The following AXIN2 variants were observed in gnomAD, a reference collection of about 807,000 sequenced individuals.
AXIN2 encodes axin-2.
Under a neutral mutation model 74.7 loss-of-function variants are expected in AXIN2, and 21 were observed. That is an observed-to-expected ratio of 0.28 (90% confidence interval 0.20 to 0.40). AXIN2 has a LOEUF of 0.40. Ranked by LOEUF, AXIN2 falls within the 10% of genes least tolerant of loss-of-function variation. The probability of loss-of-function intolerance (pLI) is 1.00; values close to 1 mark genes in which losing one functional copy is unlikely to be tolerated. For synonymous variants in AXIN2, 532 were observed against 454.9 expected, an observed-to-expected ratio of 1.17 and a Z score of -2.16; for missense variants, 1,144 against 1,111.1, an observed-to-expected ratio of 1.03 and a Z score of -0.42.
At chr17:65,535,045 C>T (rs946662680) in intron 9 of AXIN2, among the ~76,000 whole-genome samples, 2 of 152,194 alleles carry the variant, frequency 1.3e-5, no homozygotes, top group African/African-American at 4.8e-5. Context: ...TCAAACATTG[C>T]TCATTGCTCA....
intron 10 of AXIN2, among the ~76,000 whole-genome samples, chr17:65,533,254 G>A (rs560918432): frequency 2.0e-5 from 3 of 152,332 alleles, no homozygotes; most frequent in Admixed American, 6.5e-5. Flanking sequence ...GCGGGGCCCA[G>A]GCCTGGACAG....
chr17:65,556,631 C>T (rs948589203), intron 2 of AXIN2, among the ~76,000 whole-genome samples: 44 of 152,128 alleles, frequency 2.9e-4, no homozygotes, highest in Admixed American at 1.1e-3. Context: ...ACTCTCTCTG[C>T]CGCCCCTAAA....
intron 6 of AXIN2, 113 bp from the exon 7 acceptor site, chr17:65,537,176 C>T: frequency 2.0e-6 from 3 of 1,537,106 alleles, no homozygotes; most frequent in Non-Finnish European, 2.7e-6. Flanking sequence ...GACCCATGCA[C>T]CTGCTCCCCG....
chr17:65,561,265 C>A, intron 1 of AXIN2, 185 bp downstream of exon 1: 1 of 147,644 alleles, frequency 6.8e-6, no homozygotes, highest in South Asian at 1.9e-4. Context: ...CCCGGGCCGC[C>A]CCCCGCAGCC....
At position 65,541,514 on chromosome 17, in the gene AXIN2, G is replaced by C. The variant is rs770254456; in HGVS notation, c.1000C>G (p.Gln334Glu). 3.7e-6 allele frequency: 6 copies of C among 1,614,018 alleles called. No individual in the cohort carries two copies. In the East Asian group the frequency reaches 6.7e-5, roughly 18 times the overall value. ...TTCACACTGCGATGCATTTCTCTCTGGAGCTGTTTCTTACTGCCCACACGA... is the reference window on the plus strand; with the variant it reads ...TTCACACTGCGATGCATTTCTCTCTCGAGCTGTTTCTTACTGCCCACACGA... ...PYRVGSKKQL[Q>E]REMHRSVKAN... Residue 334 changes from glutamine to glutamate, a missense_variant, in exon 4 of 11, where the codon CAG becomes GAG. Gln to Glu is a conservative substitution (Grantham distance 29). Around this residue, in one of 4 missense-constraint regions of AXIN2, gnomAD observed 1,053 missense variants for 973.5 expected, o/e 1.08. Coordinates refer to ENST00000307078, the MANE Select transcript of AXIN2 (RefSeq NM_004655.4).
intron 3 of AXIN2, among the ~76,000 whole-genome samples, chr17:65,548,739 C>T (rs772836689): frequency 1.3e-5 from 2 of 152,190 alleles, no homozygotes; most frequent in African/African-American, 2.4e-5. Context: ...CACTGCTGTC[C>T]ATCCACAGAG....
chr17:65,532,621 A>T (rs2043841598), intron 10 of AXIN2, among the ~76,000 whole-genome samples: 1 of 152,190 alleles, frequency 6.6e-6, no homozygotes, highest in Admixed American at 6.5e-5. Context: ...ACTAACTCCC[A>T]GATGAAGGTG....
At chr17:65,553,019 ACTCCAT>A (rs1225757226) in intron 2 of AXIN2, among the ~76,000 whole-genome samples, 1 of 150,878 alleles carries the variant, frequency 6.6e-6, no homozygotes, top group African/African-American at 2.4e-5. Context: ...CAAGAATGAA[ACTCCAT>A]CTCAAAAAAA....
chr17:65,539,003 C>T (rs563017379), intron 4 of AXIN2, among the ~76,000 whole-genome samples: 22 of 152,234 alleles, frequency 1.4e-4, no homozygotes, highest in African/African-American at 5.1e-4. Flanking sequence ...CTGCTGCAGG[C>T]TAGTAGCAGA....
chr17:65,543,176 C>G (rs2044067797), intron 3 of AXIN2, among the ~76,000 whole-genome samples: 1 of 151,600 alleles, frequency 6.6e-6, no homozygotes, highest in African/African-American at 2.4e-5. Flanking sequence ...AACAACTTAC[C>G]CCCAAGTGTG....
chr17:65,551,325 G>A (rs1452340123), intron 2 of AXIN2, among the ~76,000 whole-genome samples: 4 of 151,352 alleles, frequency 2.6e-5, no homozygotes, highest in Admixed American at 6.6e-5. Flanking sequence ...GAAAGGTAGC[G>A]AAAAGCTCTC....
At position 65,537,747 on chromosome 17, in the gene AXIN2, C is replaced by G. The variant is rs202215840; in HGVS notation, c.1289G>C (p.Ser430Thr). 3 of 1,573,388 alleles carry G rather than the reference C, an allele frequency of 1.9e-6. No individual in the cohort carries two copies. The highest frequency in any genetic ancestry group is 2.3e-5 in the South Asian group (2 of 86,280). ...TATCGTCTGCGGGTCTTCCTCGTAG[C>G]TGCCGGAGGGCAGTAGGGAGAGGGG... is the stretch of plus-strand genomic sequence containing the variant. ...QHPLSLLPSG[S>T]YEEDPQTILD... Residue 430 changes from serine (S) to threonine (T), a missense_variant, in exon 6 of 11, where the codon AGC becomes ACC. Physicochemically the swap from Ser to Thr is moderately conservative, Grantham distance 58. Coordinates refer to ENST00000307078, the MANE Select transcript of AXIN2 (RefSeq NM_004655.4).
intron 1 of AXIN2, chr17:65,561,071 T>C (rs1245399352): frequency 6.8e-6 from 1 of 147,976 alleles, no homozygotes; most frequent in East Asian, 2.0e-4. Flanking sequence ...ATGCAAAAGA[T>C]CCGAGCGGGC....
At chr17:65,543,156 T>C (rs1198368360) in intron 3 of AXIN2, among the ~76,000 whole-genome samples, 5 of 152,134 alleles carry the variant, frequency 3.3e-5, no homozygotes, top group Non-Finnish European at 7.3e-5. Context: ...GAGAGATCAG[T>C]ATCCAGAGCA....
intron 1 of AXIN2, chr17:65,561,198 C>T (rs2044367774): frequency 6.7e-6 from 1 of 149,566 alleles, no homozygotes; most frequent in South Asian, 2.1e-4. Flanking sequence ...TAACTGTGCA[C>T]TTCAAAGGCG....
At chr17:65,551,028 G>C (rs2144546690) in intron 2 of AXIN2, among the ~76,000 whole-genome samples, 1 of 152,340 alleles carries the variant, frequency 6.6e-6, no homozygotes, top group Middle Eastern at 3.4e-3. Context: ...CATGGATTGA[G>C]TCACGTGGCT....
chr17:65,557,983 C>G lies in AXIN2; in HGVS notation c.638G>C (p.Gly213Ala). Reference sequence around the variant, plus strand: ...CACGACCTTTAGGCTCCCGAGTCCCCCATTACTCATGTAAGCTGTGTTTTC... The same window carrying G: ...CACGACCTTTAGGCTCCCGAGTCCCGCATTACTCATGTAAGCTGTGTTTTC... The part of the protein sequence containing the change: ...GGENTAYMSN[G>A]GLGSLKVVCG... The change falls in exon 2 of 11, where the codon GGG (glycine) becomes GCG (alanine). Residue 213 changes from glycine (G) to alanine (A), a missense_variant. Around this residue, in one of 4 missense-constraint regions of AXIN2, gnomAD observed 1,053 missense variants for 973.5 expected, o/e 1.08. Transcript: ENST00000307078. The G allele has an allele frequency of 6.2e-7, 1 of 1,614,160 alleles. No homozygotes were observed. Among genetic ancestry groups the G allele is most frequent in the African/African-American group, 1.3e-5 (1 of 75,036 alleles).
At position 65,558,195 on chromosome 17, in the gene AXIN2, G is replaced by C. The variant is rs1322519354; in HGVS notation, c.426C>G (p.Asn142Lys). The C allele has an allele frequency of 6.2e-7, 1 of 1,613,980 alleles. No homozygotes were observed. Reference sequence around the variant, plus strand: ...GCTTCAGCTGCTTGGAGACAATGCTGTTGTTCTCAATGTACCTTTTGTAGA... The same window carrying C: ...GCTTCAGCTGCTTGGAGACAATGCTCTTGTTCTCAATGTACCTTTTGTAGA... ...KAIYKRYIEN[N>K]SIVSKQLKPA... The change falls in exon 2 of 11, where the codon AAC becomes AAG. Residue 142 changes from asparagine to lysine, a missense_variant. Coordinates refer to ENST00000307078, the MANE Select transcript of AXIN2 (RefSeq NM_004655.4).
In AXIN2 at chr17:65,529,743, T is replaced by C; in HGVS notation, c.*233A>G. 3.4e-6 allele frequency: 2 copies of C among 592,026 alleles called. No homozygotes were observed. The highest frequency in any genetic ancestry group is 3.9e-5 in the South Asian group (2 of 51,074). The allele number at this position is 592,026 out of a possible 1,614,324, so 36.7% of individuals were successfully genotyped here. A position where few individuals can be genotyped will look rare whatever the true frequency, so the allele number is the denominator to read the frequency against. On this transcript the variant is annotated 3_prime_UTR_variant, in exon 11 of 11. Coordinates refer to ENST00000307078, the MANE Select transcript of AXIN2 (RefSeq NM_004655.4). ...CATCTTCAATAGCCAAGAGTGGTCA[T>C]GTTTTTAATAAATAGTTCAGGCTTT...
Sources: allele counts gnomAD v4.1 joint callset (sites outside exome capture counted in the v4.1 genomes callset), GRCh38; gene constraint gnomAD v4.1.1; regional missense constraint gnomAD v4.1.1; transcripts MANE v1.5; gene names NCBI Gene and HGNC (gene_info 2026-07-23, HGNC 2026-07-21).